Variants in FARSB observed in about 807,000 individuals in gnomAD.
FARSB encodes the protein phenylalanine--tRNA ligase beta subunit.
Under a neutral mutation model 69.6 loss-of-function variants are expected in FARSB, and 40 were observed. The ratio of observed to expected loss-of-function variants is 0.57; its 90% CI spans 0.45 to 0.75. The LOEUF is 0.75. Ranked by LOEUF, FARSB falls within the 30% of genes least tolerant of loss-of-function variation. The pLI is 0.00. For synonymous variants in FARSB, 235 were observed against 247.2 expected (o/e 0.95, Z 0.46); for missense variants, 632 against 722.9 (o/e 0.87, Z 1.44).
At chr2:222,653,903 T>C (rs940255989) in intron 1 of FARSB, among the ~76,000 whole-genome samples, 1 of 152,054 alleles carries the variant, frequency 6.6e-6, no homozygotes, top group African/African-American at 2.4e-5. Context: ...ATTACAAGCA[T>C]CAGCCATGTA....
chr2:222,639,930 G>A (rs1434227257), intron 4 of FARSB, among the ~76,000 whole-genome samples: 2 of 152,086 alleles, frequency 1.3e-5, no homozygotes, highest in Admixed American at 6.5e-5. Flanking sequence ...TTGAGAAAAA[G>A]TTTGCTCATA....
In FARSB at chr2:222,573,287, AAAT is replaced by A. The variant is rs144472529; in HGVS notation, c.1619-1268_1619-1266del. Among the ~76,000 whole-genome samples, 263 of 152,282 alleles carry A rather than the reference AAAT, an allele frequency of 1.7e-3. 1 individual carries two copies. Among genetic ancestry groups the A allele is most frequent in the African/African-American group, 6.1e-3 (255 of 41,544 alleles). On this transcript the variant is annotated intron_variant, in intron 16 of 16. Coordinates refer to ENST00000281828, the MANE Select transcript of FARSB (RefSeq NM_005687.5). ...AAGTAAACCCAAAGCAACAGAGGTG[AAAT>A]ATTAAGGTGGCCTCTTTTTCACATC... is the stretch of plus-strand genomic sequence containing the variant.
chr2:222,593,170 C>T (rs909503817), intron 16 of FARSB, among the ~76,000 whole-genome samples: 2 of 151,778 alleles, frequency 1.3e-5, no homozygotes, highest in Non-Finnish European at 2.9e-5. Flanking sequence ...TCCACAGGGG[C>T]GGAACTGGTT....
chr2:222,627,972 C>T (rs1691319718), intron 10 of FARSB, among the ~76,000 whole-genome samples: 1 of 152,182 alleles, frequency 6.6e-6, no homozygotes, highest in Admixed American at 6.5e-5. Flanking sequence ...GAACAGTCAT[C>T]TTTATGTCAA....
chr2:222,647,779 G>A (rs1454970069), intron 2 of FARSB, among the ~76,000 whole-genome samples: 1 of 152,194 alleles, frequency 6.6e-6, no homozygotes, highest in East Asian at 1.9e-4. Flanking sequence ...ATTGGGCCAG[G>A]CATGGTGGCT....
chr2:222,629,269 A>C (rs1691356370), intron 9 of FARSB, among the ~76,000 whole-genome samples: 3 of 152,246 alleles, frequency 2.0e-5, no homozygotes, highest in Non-Finnish European at 4.4e-5. Flanking sequence ...GATACTGCCC[A>C]TATAATTTCA....
chr2:222,587,788 C>T (rs1372362773), intron 16 of FARSB, among the ~76,000 whole-genome samples: 1 of 152,124 alleles, frequency 6.6e-6, no homozygotes, highest in Non-Finnish European at 1.5e-5. Context: ...GACACATACA[C>T]CCTCCCAAGA....
chr2:222,574,347 T>C (rs190831314), intron 16 of FARSB, among the ~76,000 whole-genome samples: 1 of 152,348 alleles, frequency 6.6e-6, no homozygotes, highest in African/African-American at 2.4e-5. Context: ...CTAAAATTCA[T>C]ACTATGCTTT....
chr2:222,617,270 GA>G (rs1691020577), intron 14 of FARSB, among the ~76,000 whole-genome samples: 1 of 151,968 alleles, frequency 6.6e-6, no homozygotes, highest in Admixed American at 6.6e-5. Flanking sequence ...AAGAAAGATT[GA>G]TTCTTAAGTG....
At chr2:222,594,889 G>A (rs761650379) in intron 16 of FARSB, among the ~76,000 whole-genome samples, 1 of 152,198 alleles carries the variant, frequency 6.6e-6, no homozygotes, top group Non-Finnish European at 1.5e-5. Flanking sequence ...AGGGCTAAGT[G>A]ACTCATGTGA....
At chr2:222,607,479 G>A (rs1047726743) in intron 15 of FARSB, among the ~76,000 whole-genome samples, 1 of 152,070 alleles carries the variant, frequency 6.6e-6, no homozygotes, top group African/African-American at 2.4e-5. Context: ...GCTCAGAGGA[G>A]AAACAAGGTG....
intron 7 of FARSB, 124 bp from the exon 8 acceptor site, chr2:222,631,798 C>T: frequency 1.5e-6 from 1 of 664,746 alleles, no homozygotes; most frequent in South Asian, 1.9e-5. Flanking sequence ...AACACCTTGG[C>T]CAGGGATGGT....
intron 15 of FARSB, among the ~76,000 whole-genome samples, chr2:222,606,443 T>C (rs1690706155): frequency 6.6e-6 from 1 of 152,206 alleles, no homozygotes; most frequent in Non-Finnish European, 1.5e-5. Flanking sequence ...AATGCCTCAG[T>C]TCTTTTATAA....
chr2:222,641,011 G>T (rs989592975), intron 3 of FARSB, 80 bp from the exon 4 acceptor site: 2 of 593,374 alleles, frequency 3.4e-6, no homozygotes, highest in South Asian at 3.4e-5. Flanking sequence ...CTGTATATAG[G>T]AAGTATACAA....
intron 16 of FARSB, among the ~76,000 whole-genome samples, chr2:222,572,247 C>G (rs909685861): frequency 6.6e-6 from 1 of 152,088 alleles, no homozygotes; most frequent in African/African-American, 2.4e-5. Flanking sequence ...AATAAGGGCC[C>G]TGTATTTTTG....
At chr2:222,646,555 GT>G (rs573793895) in intron 2 of FARSB, among the ~76,000 whole-genome samples, 33 of 152,290 alleles carry the variant, frequency 2.2e-4, no homozygotes, top group African/African-American at 7.2e-4. Context: ...TCTTATGTCT[GT>G]GATAGATATC....
chr2:222,639,665 C>T lies in FARSB; in HGVS notation c.370G>A (p.Ala124Thr). 1 of 1,580,016 alleles carries T rather than the reference C, an allele frequency of 6.3e-7. No individual in the cohort carries two copies. The highest frequency in any genetic ancestry group is 8.6e-7 in the Non-Finnish European group (1 of 1,159,504). Residue 124 changes from alanine (A) to threonine (T), a missense_variant, in exon 5 of 17, where the codon GCA (alanine) becomes ACA (threonine). Physicochemically the swap from Ala to Thr is moderately conservative, Grantham distance 58. Transcript: ENST00000281828. ...GTAAACTTTATATTACGGAGAACTG[C>T]TGCTACCGCAAAAGGACGTATCTTA... ...TAKIRPFAVA[A>T]VLRNIKFTKD...
intron 1 of FARSB, among the ~76,000 whole-genome samples, chr2:222,652,554 C>T (rs1692065354): frequency 6.6e-6 from 1 of 152,188 alleles, no homozygotes; most frequent in Admixed American, 6.5e-5. Flanking sequence ...GGCAAACAAG[C>T]TAACATGTGC....
intron 1 of FARSB, among the ~76,000 whole-genome samples, chr2:222,652,979 G>A (rs1215580484): frequency 1.3e-5 from 2 of 152,096 alleles, no homozygotes; most frequent in Admixed American, 1.3e-4. Context: ...CAATAAAATC[G>A]TGATTACTAA....
Sources: allele counts gnomAD v4.1 joint callset (sites outside exome capture counted in the v4.1 genomes callset), GRCh38; gene constraint gnomAD v4.1.1; transcripts MANE v1.5; gene names NCBI Gene and HGNC (gene_info 2026-07-23, HGNC 2026-07-21).